ACACB: variants seen among roughly 807,000 people sequenced by gnomAD.
ACACB encodes acetyl-CoA carboxylase 2.
Under a neutral mutation model 278.8 loss-of-function variants are expected in ACACB, and 209 were observed. That is an observed-to-expected ratio of 0.75 (90% CI 0.67 to 0.84). ACACB has a LOEUF of 0.84. Among genes scored for constraint, ACACB ranks in the 40% least tolerant of loss-of-function variants. The pLI is 0.00. For synonymous variants in ACACB, 1,174 were observed against 1,285.6 expected (o/e 0.91, Z 1.86); for missense variants, 2,850 against 3,269.0 (o/e 0.87, Z 3.13).
chr12:109,123,895 C>A (rs187766413), intron 1 of ACACB, among the ~76,000 whole-genome samples: 2 of 151,298 alleles, frequency 1.3e-5, no homozygotes, highest in East Asian at 3.9e-4. Context: ...TGCCATGTTG[C>A]TCGGGCTGGT....
In ACACB at chr12:109,144,750, C is replaced by CTTTTTTTTTTTTTTTTTTTTTTTTTTT. The variant is rs770963307; in HGVS notation, c.653+4695_653+4696insTTTTTTTTTTTTTTTTTTTTTTTTTTT. Among the ~76,000 whole-genome samples the CTTTTTTTTTTTTTTTTTTTTTTTTTTT allele has an allele frequency of 5.8e-5, 5 of 86,768 alleles. 1 individual carries two copies. Among genetic ancestry groups the CTTTTTTTTTTTTTTTTTTTTTTTTTTT allele is most frequent in the African/African-American group, 1.8e-4 (4 of 22,170 alleles). The allele number at this position is 86,768 out of a possible 152,430, so 56.9% of individuals were successfully genotyped here. On this transcript the variant is annotated intron_variant, in intron 2 of 52. Coordinates refer to ENST00000338432, the MANE Select transcript of ACACB (RefSeq NM_001093.4). ...TCTTTCTTTTTCTTTTTCTTTCTTT[C>CTTTTTTTTTTTTTTTTTTTTTTTTTTT]TTTCTTTTTTTTTTTTTTTTTTGAG...
rs756376971 is a variant in ACACB, at chr12:109,258,277, G to A, written c.6273G>A (p.Gly2091=). The change falls in exon 46 of 53, where the codon GGG becomes GGA. Residue 2091 remains glycine (G), a synonymous_variant. Coordinates refer to ENST00000338432, the MANE Select transcript of ACACB (RefSeq NM_001093.4). ...GGTGCTCATTTTCCAGGCTTGGGGG[G>A]ATTCCCGTGGGAGTGATTGCTGTGG... is the stretch of plus-strand genomic sequence containing the variant. ...TVVTGRARLG[G]IPVGVIAVET... 4.3e-6 allele frequency: 7 copies of A among 1,612,130 alleles called. No individual in the cohort carries two copies. Among genetic ancestry groups the A allele is most frequent in the Admixed American group, 1.7e-5 (1 of 59,840 alleles).
intron 37 of ACACB, among the ~76,000 whole-genome samples, chr12:109,244,316 G>C (rs1156253717): frequency 2.0e-5 from 3 of 152,152 alleles, no homozygotes; most frequent in Non-Finnish European, 1.5e-5. Context: ...CTCGAATGCT[G>C]GATCTGTCCC....
chr12:109,222,060 C>T (rs2046181919), intron 24 of ACACB, among the ~76,000 whole-genome samples: 1 of 151,088 alleles, frequency 6.6e-6, no homozygotes, highest in African/African-American at 2.4e-5. Context: ...GCTAATTTTT[C>T]TATTTTTTTT....
intron 2 of ACACB, among the ~76,000 whole-genome samples, chr12:109,152,689 C>T (rs889002850): frequency 7.2e-6 from 1 of 138,708 alleles, no homozygotes; most frequent in Admixed American, 7.6e-5. Context: ...GCTCTATTCC[C>T]CAGGCTGGAG....
intron 2 of ACACB, among the ~76,000 whole-genome samples, chr12:109,156,296 A>G (rs2043532815): frequency 6.6e-6 from 1 of 151,886 alleles, no homozygotes; most frequent in Non-Finnish European, 1.5e-5. Flanking sequence ...TTGGGAGGCC[A>G]AGGCAGGAGA....
At chr12:109,124,220 G>A (rs1022824961) in intron 1 of ACACB, among the ~76,000 whole-genome samples, 1 of 151,886 alleles carries the variant, frequency 6.6e-6, no homozygotes, top group African/African-American at 2.4e-5. Context: ...GGACCCACAG[G>A]GTTTCTCTTA....
intron 27 of ACACB, 44 bp downstream of exon 27, chr12:109,223,948 C>A: frequency 1.3e-6 from 2 of 1,512,482 alleles, no homozygotes; most frequent in South Asian, 1.1e-5. Context: ...CATGCCAGTT[C>A]TAGTGTTCAC....
chr12:109,177,629 T>C (rs1351475371), intron 9 of ACACB, among the ~76,000 whole-genome samples: 3 of 152,182 alleles, frequency 2.0e-5, no homozygotes, highest in African/African-American at 7.2e-5. Flanking sequence ...TACAGAAAGT[T>C]CACATCTATC....
intron 1 of ACACB, among the ~76,000 whole-genome samples, chr12:109,120,647 C>T (rs879853894): frequency 6.6e-6 from 1 of 152,172 alleles, no homozygotes; most frequent in Non-Finnish European, 1.5e-5. Context: ...AGAATTGATT[C>T]AGTGAGATCT....
At chr12:109,192,091 T>G (rs2044913533) in intron 15 of ACACB, 141 bp downstream of exon 15, 3 of 873,176 alleles carry the variant, frequency 3.4e-6, no homozygotes, top group Non-Finnish European at 5.4e-6. Context: ...TCTGGGAAAT[T>G]CCTCTACAGA....
intron 34 of ACACB, among the ~76,000 whole-genome samples, chr12:109,239,411 G>A (rs918652461): frequency 1.3e-5 from 2 of 152,208 alleles, no homozygotes; most frequent in African/African-American, 2.4e-5. Flanking sequence ...AGACGTGGAC[G>A]AGAGCCTTGA....
rs748095854 is a variant in ACACB at position 109,266,231 on chromosome 12, C to T, written c.7251-5C>T. On this transcript the variant is annotated splice_region_variant and splice_polypyrimidine_tract_variant and intron_variant, in intron 52 of 52. Coordinates refer to ENST00000338432, the MANE Select transcript of ACACB (RefSeq NM_001093.4). The stretch of plus-strand genomic sequence containing the variant: ...ATCCCAGCCCTCCTCTCACCTCCCC[C>T]ACAGCCTGGTTGAAGAAAACCCCGA... 6 of 1,612,354 alleles carry T rather than the reference C, an allele frequency of 3.7e-6. No individual in the cohort carries two copies. The Admixed American group carries it at 5.0e-5, about 13-fold the overall frequency.
rs1228509137 is a variant in ACACB, at chr12:109,233,800, C to A, written c.4192C>A (p.Leu1398Ile). The change falls in exon 30 of 53, where the codon CTC becomes ATC. Residue 1398 changes from leucine to isoleucine, a missense_variant. Physicochemically the swap from Leu to Ile is conservative, Grantham distance 5 (BLOSUM62 2). Coordinates refer to ENST00000338432, the MANE Select transcript of ACACB (RefSeq NM_001093.4). Reference sequence around the variant, plus strand: ...CGCCAACGTGCCCAAAGACACCCCCCTCTTCAGCGAGGCCCGCACCTCCCT... The same window carrying A: ...CGCCAACGTGCCCAAAGACACCCCCATCTTCAGCGAGGCCCGCACCTCCCT... ...CFANVPKDTP[L>I]FSEARTSLYS... is the part of the protein sequence containing the mutation. 1.9e-6 allele frequency: 3 copies of A among 1,614,094 alleles called. No homozygotes were observed. The highest frequency in any genetic ancestry group is 2.5e-6 in the Non-Finnish European group (3 of 1,180,036).
chr12:109,212,420 T>C (rs1234011781), intron 21 of ACACB, among the ~76,000 whole-genome samples: 1 of 152,170 alleles, frequency 6.6e-6, no homozygotes, highest in Non-Finnish European at 1.5e-5. Flanking sequence ...CAACTCACCA[T>C]AATGTAGAAT....
intron 21 of ACACB, among the ~76,000 whole-genome samples, chr12:109,210,597 A>G (rs1276599596): frequency 1.1e-4 from 17 of 149,282 alleles, no homozygotes; most frequent in African/African-American, 4.2e-4. Flanking sequence ...AAACATATAT[A>G]TGTATATATA....
chr12:109,256,043 C>T, intron 44 of ACACB, 97 bp from the exon 45 acceptor site: 1 of 882,744 alleles, frequency 1.1e-6, no homozygotes, highest in East Asian at 2.5e-5. Context: ...AGGTTAAAGC[C>T]AGGCTGTCCT....
Position 109,252,034 on chromosome 12 carries a change from C to G in ACACB, c.5791-12C>G. The stretch of plus-strand genomic sequence containing the variant: ...CACTCTCCAGAATTCAGAGGGGGTC[C>G]TCTCTCCACAGGTGACCTGCCGAGC... On this transcript the variant is annotated splice_polypyrimidine_tract_variant and intron_variant, in intron 41 of 52. Transcript: ENST00000338432. 6.2e-7 allele frequency: 1 copy of G among 1,600,480 alleles called. No individual in the cohort carries two copies. Among genetic ancestry groups the G allele is most frequent in the South Asian group, 1.1e-5 (1 of 88,894 alleles).
intron 2 of ACACB, among the ~76,000 whole-genome samples, chr12:109,161,565 TAAAG>T (rs1167621802): frequency 6.6e-6 from 1 of 151,696 alleles, no homozygotes; most frequent in Non-Finnish European, 1.5e-5. Flanking sequence ...TAAAATAAAA[TAAAG>T]AAATAATTAT....
Sources: allele counts gnomAD v4.1 joint callset (sites outside exome capture counted in the v4.1 genomes callset), GRCh38; gene constraint gnomAD v4.1.1; transcripts MANE v1.5; gene names NCBI Gene and HGNC (gene_info 2026-07-23, HGNC 2026-07-21).